Variants in VPS41 observed in about 807,000 individuals in gnomAD.
The protein encoded by VPS41 is vacuolar protein sorting-associated protein 41 homolog.
VPS41 carries 85 observed loss-of-function variants against 130.9 expected under a neutral mutation model. The observed-to-expected ratio is 0.65, with a 90% CI of 0.55 to 0.78. The LOEUF is 0.78. Ranked by LOEUF, VPS41 falls within the 30% of genes least tolerant of loss-of-function variation. The pLI, the probability that VPS41 is intolerant of heterozygous loss-of-function variation, is 0.00. For synonymous variants in VPS41, 335 were observed against 332.9 expected (o/e 1.01, Z -0.07); for missense variants, 874 against 1,018.7 (o/e 0.86, Z 1.93).
intron 24 of VPS41, among the ~76,000 whole-genome samples, chr7:38,742,500 T>C (rs930249952): frequency 1.3e-5 from 2 of 152,164 alleles, no homozygotes; most frequent in Non-Finnish European, 2.9e-5. Context: ...AGGAATGCTG[T>C]GTCCCCATTT....
intron 3 of VPS41, among the ~76,000 whole-genome samples, chr7:38,865,452 T>G (rs1786209813): frequency 6.6e-6 from 1 of 151,960 alleles, no homozygotes; most frequent in South Asian, 2.1e-4. Flanking sequence ...AAACACTCTA[T>G]AATACGCTTA....
intron 10 of VPS41, among the ~76,000 whole-genome samples, chr7:38,783,851 ACTT>A (rs1480282892): frequency 6.6e-6 from 1 of 150,730 alleles, no homozygotes; most frequent in Non-Finnish European, 1.5e-5. Flanking sequence ...AGGTTATCTC[ACTT>A]CTTATCTGTG....
intron 4 of VPS41, among the ~76,000 whole-genome samples, chr7:38,852,035 G>T (rs190693603): frequency 1.3e-5 from 2 of 152,276 alleles, no homozygotes; most frequent in East Asian, 3.9e-4. Context: ...AGAATGTTGT[G>T]GAAGTATAGC....
chr7:38,755,885 T>A (rs3801143), intron 19 of VPS41, among the ~76,000 whole-genome samples: 24 of 151,992 alleles, frequency 1.6e-4, no homozygotes, highest in African/African-American at 5.8e-4. Flanking sequence ...AAGCAGAGCC[T>A]CTCTACCTGA....
intron 2 of VPS41, among the ~76,000 whole-genome samples, chr7:38,880,368 T>A (rs943160949): frequency 6.6e-6 from 1 of 152,064 alleles, no homozygotes; most frequent in Non-Finnish European, 1.5e-5. Context: ...TTAAAAAAAT[T>A]TTTTTTCACA....
rs1784018956 is a variant in VPS41, at chr7:38,765,403, T to C, written c.1329+177A>G. ...TATGTAATAAATATATAATCTTATATATTTTTTTTTACACGAGGCTTATAT... is the reference window on the plus strand; with the variant it reads ...TATGTAATAAATATATAATCTTATACATTTTTTTTTACACGAGGCTTATAT... On this transcript the variant is annotated intron_variant, in intron 16 of 28. Transcript: ENST00000310301. 2.1e-4 allele frequency among the ~76,000 whole-genome samples: 4 copies of C among 18,954 alleles called. No homozygotes were observed. In the Admixed American group the frequency reaches 2.5e-3, roughly 12 times the overall value. The allele number at this position is 18,954 out of a possible 152,430, so 12.4% of individuals were successfully genotyped here.
At chr7:38,869,923 T>C (rs1392897958) in intron 2 of VPS41, among the ~76,000 whole-genome samples, 1 of 152,088 alleles carries the variant, frequency 6.6e-6, no homozygotes, top group Non-Finnish European at 1.5e-5. Context: ...CAGAAAGTCT[T>C]GATGGAATAT....
chr7:38,755,325 C>A lies in VPS41; in HGVS notation c.1696-389G>T, dbSNP rs543041830. On this transcript the variant is annotated intron_variant, in intron 19 of 28. Transcript: ENST00000310301. ...ATATCAAGAAAATGAGCTTTTCTTC[C>A]AGCTACTTCAACCTCGACCTAGTCT... Among the ~76,000 whole-genome samples, 90 of 152,236 alleles carry A rather than the reference C, an allele frequency of 5.9e-4. 2 individuals are homozygous for A. The South Asian group carries it at 0.012, about 21-fold the overall frequency.
Position 38,898,099 on chromosome 7 carries a change from C to G in VPS41, c.52G>C (p.Glu18Gln), listed in dbSNP as rs781270827. ...CTGAGTCACCACCTTACCTCAGACTCATCTGTAGATTCTTCAAGGGACCCA... is the reference window on the plus strand; with the variant it reads ...CTGAGTCACCACCTTACCTCAGACTGATCTGTAGATTCTTCAAGGGACCCA... ...ETGSLEESTD[E>Q]SEEEESEEEP... Residue 18 changes from glutamate (E) to glutamine (Q), a missense_variant, in exon 2 of 29, where the codon GAG becomes CAG. By Grantham distance (29) the Glu-to-Gln change is conservative. Coordinates refer to ENST00000310301, the MANE Select transcript of VPS41 (RefSeq NM_014396.4). 1 of 1,613,618 alleles carries G rather than the reference C, an allele frequency of 6.2e-7. No individual in the cohort carries two copies. Among genetic ancestry groups the G allele is most frequent in the Non-Finnish European group, 8.5e-7 (1 of 1,179,764 alleles).
At chr7:38,904,880 G>T (rs1056588674) in intron 1 of VPS41, among the ~76,000 whole-genome samples, 2 of 152,138 alleles carry the variant, frequency 1.3e-5, no homozygotes, top group African/African-American at 4.8e-5. Flanking sequence ...TGGTCTAATC[G>T]TGGAAATACT....
At chr7:38,765,743 T>A in intron 15 of VPS41, 82 bp from the exon 16 acceptor site, 1 of 872,332 alleles carries the variant, frequency 1.1e-6, no homozygotes, top group Non-Finnish European at 1.8e-6. Flanking sequence ...AAGTAGACAT[T>A]TTCCCCAGAG....
intron 2 of VPS41, among the ~76,000 whole-genome samples, chr7:38,876,202 A>T (rs980821893): frequency 3.3e-5 from 5 of 152,252 alleles, no homozygotes; most frequent in African/African-American, 1.2e-4. Context: ...TCCAGCCCAA[A>T]GTGCCAGTAG....
chr7:38,741,286 A>G, intron 25 of VPS41: 1 of 319,568 alleles, frequency 3.1e-6, no homozygotes. Flanking sequence ...AACAGTCCGA[A>G]TTTTTAAGGA....
intron 25 of VPS41, among the ~76,000 whole-genome samples, chr7:38,737,687 G>C (rs956168721): frequency 2.6e-5 from 4 of 152,116 alleles, no homozygotes; most frequent in African/African-American, 7.2e-5. Flanking sequence ...TACAAATATG[G>C]GGGTCGATCA....
At chr7:38,744,377 C>T (rs1031257840) in intron 23 of VPS41, among the ~76,000 whole-genome samples, 3 of 152,106 alleles carry the variant, frequency 2.0e-5, no homozygotes, top group East Asian at 1.9e-4. Flanking sequence ...CCCCTGCACA[C>T]GGCCATTATC....
At chr7:38,872,778 T>C (rs568726331) in intron 2 of VPS41, among the ~76,000 whole-genome samples, 55 of 152,126 alleles carry the variant, frequency 3.6e-4, no homozygotes, top group Non-Finnish European at 6.9e-4. Context: ...AAAAGAAAAC[T>C]GCAAAAAACA....
intron 7 of VPS41, among the ~76,000 whole-genome samples, chr7:38,807,750 C>T (rs1562593752): frequency 6.6e-6 from 1 of 152,202 alleles, no homozygotes; most frequent in Non-Finnish European, 1.5e-5. Flanking sequence ...TGACCCCTTG[C>T]TTTATACAGC....
chr7:38,881,452 A>G (rs768974645), intron 2 of VPS41, among the ~76,000 whole-genome samples: 28 of 152,194 alleles, frequency 1.8e-4, no homozygotes, highest in Admixed American at 7.8e-4. Context: ...GCTGTGTAAC[A>G]TGACATATTC....
At position 38,832,122 on chromosome 7, in the gene VPS41, T is replaced by G. The variant is rs550934224; in HGVS notation, c.247-1794A>C. 3.9e-5 allele frequency among the ~76,000 whole-genome samples: 6 copies of G among 152,138 alleles called. No homozygotes were observed. In the East Asian group the frequency reaches 1.2e-3, roughly 29 times the overall value. On this transcript the variant is annotated intron_variant, in intron 4 of 28. Transcript: ENST00000310301. The stretch of plus-strand genomic sequence containing the variant: ...AATTTGATCTTCTGTAAACTGCTTG[T>G]TCACTTCTCTTACTCATTTTTTTCT...
Sources: gnomAD v4.1 joint callset for allele counts (sites outside exome capture counted in the v4.1 genomes callset) on GRCh38, gnomAD v4.1.1 for gene constraint, MANE v1.5 for transcripts, NCBI Gene and HGNC (gene_info 2026-07-23, HGNC 2026-07-21) for gene names.